ZSCAN25: variants seen among roughly 807,000 people sequenced by gnomAD.
ZSCAN25 encodes zinc finger and SCAN domain containing 25.
ZSCAN25 carries 27 observed loss-of-function variants against 38.7 expected under a neutral mutation model. The ratio of observed to expected loss-of-function variants is 0.70; its 90% CI spans 0.51 to 0.96. The LOEUF is 0.96. Ranked by LOEUF, ZSCAN25 falls within the 40% of genes least tolerant of loss-of-function variation. The pLI, the probability that ZSCAN25 is intolerant of heterozygous loss-of-function variation, is 0.00. For missense variants in ZSCAN25, 637 were observed against 705.9 expected, an observed-to-expected ratio of 0.90 and a Z score of 1.11; for synonymous variants, 273 against 277.7, an observed-to-expected ratio of 0.98 and a Z score of 0.17.
At chr7:99,673,935 A>G in the ZSCAN25 span, among the ~76,000 whole-genome samples, 1 of 152,240 alleles carries the variant, frequency 6.6e-6, no homozygotes, top group Admixed American at 6.5e-5. Flanking sequence ...ATACCTGGTG[A>G]CACATGGGAT....
chr7:99,638,318 A>G, the ZSCAN25 span: 3 of 1,606,254 alleles, frequency 1.9e-6, no homozygotes, highest in African/African-American at 1.3e-5. Context: ...AGGGCTGCCC[A>G]TACCAGTTCC....
At chr7:99,670,240 T>C in the ZSCAN25 span, among the ~76,000 whole-genome samples, 3 of 152,330 alleles carry the variant, frequency 2.0e-5, no homozygotes, top group South Asian at 6.2e-4. Context: ...CTTACAGATT[T>C]AGCATTTTTA....
chr7:99,644,727 C>T, the ZSCAN25 span, among the ~76,000 whole-genome samples: 1 of 152,124 alleles, frequency 6.6e-6, no homozygotes, highest in Admixed American at 6.5e-5. Flanking sequence ...TTATGATAGC[C>T]GATTTCCTGC....
chr7:99,618,793 G>A (rs1806682899), intron 2 of ZSCAN25, 142 bp downstream of exon 2: 1 of 152,186 alleles, frequency 6.6e-6, no homozygotes, highest in African/African-American at 2.4e-5. Context: ...GCAGGCTCTG[G>A]GTGATCTGGT....
chr7:99,728,400 G>A, the ZSCAN25 span, among the ~76,000 whole-genome samples: 1 of 152,218 alleles, frequency 6.6e-6, no homozygotes, highest in South Asian at 2.1e-4. Flanking sequence ...ATGAAAGTTT[G>A]GTTGTAGACA....
chr7:99,718,080 C>T, the ZSCAN25 span, among the ~76,000 whole-genome samples: 1 of 151,784 alleles, frequency 6.6e-6, no homozygotes, highest in South Asian at 2.1e-4. Flanking sequence ...AATGAGAACA[C>T]ATGGACACAG....
chr7:99,703,528 A>G, the ZSCAN25 span, among the ~76,000 whole-genome samples: 3 of 152,170 alleles, frequency 2.0e-5, no homozygotes, highest in East Asian at 3.8e-4. Flanking sequence ...TATCTATCGT[A>G]TATCTGTTAT....
the ZSCAN25 span, among the ~76,000 whole-genome samples, chr7:99,644,251 GAACA>G: frequency 6.6e-6 from 1 of 152,130 alleles, no homozygotes; most frequent in Non-Finnish European, 1.5e-5. Flanking sequence ...TACAACTTAA[GAACA>G]AACAGTCCTG....
At chr7:99,683,350 A>C in the ZSCAN25 span, among the ~76,000 whole-genome samples, 11 of 152,202 alleles carry the variant, frequency 7.2e-5, no homozygotes, top group Non-Finnish European at 1.5e-4. Flanking sequence ...GTACACACAC[A>C]CAAACACATA....
At chr7:99,682,214 C>CTGT in the ZSCAN25 span, among the ~76,000 whole-genome samples, 1 of 152,166 alleles carries the variant, frequency 6.6e-6, no homozygotes, top group East Asian at 1.9e-4. Context: ...AAGTGATACA[C>CTGT]CCGCCTCGGC....
chr7:99,723,114 C>T, the ZSCAN25 span, among the ~76,000 whole-genome samples: 1 of 152,070 alleles, frequency 6.6e-6, no homozygotes, highest in African/African-American at 2.4e-5. Context: ...CTTGGGGGTA[C>T]ATCTACTAAA....
chr7:99,642,995 C>A, the ZSCAN25 span, among the ~76,000 whole-genome samples: 1 of 152,106 alleles, frequency 6.6e-6, no homozygotes, highest in South Asian at 2.1e-4. Flanking sequence ...TATTATTATT[C>A]TCATTATTCT....
At chr7:99,628,070 A>G (rs1245822829) in intron 7 of ZSCAN25, among the ~76,000 whole-genome samples, 1 of 152,050 alleles carries the variant, frequency 6.6e-6, no homozygotes, top group Non-Finnish European at 1.5e-5. Context: ...TGGGCAACAT[A>G]GTGAGGCCCC....
chr7:99,649,063 G>C, the ZSCAN25 span, among the ~76,000 whole-genome samples: 1 of 152,218 alleles, frequency 6.6e-6, no homozygotes, highest in Non-Finnish European at 1.5e-5. Context: ...CACCAACAGA[G>C]TAACATTCTG....
At chr7:99,680,955 G>A in the ZSCAN25 span, among the ~76,000 whole-genome samples, 1 of 152,160 alleles carries the variant, frequency 6.6e-6, no homozygotes, top group African/African-American at 2.4e-5. Context: ...TATTTTAAAA[G>A]CTGTGCTCCC....
chr7:99,722,633 T>C, the ZSCAN25 span, among the ~76,000 whole-genome samples: 4 of 152,242 alleles, frequency 2.6e-5, no homozygotes, highest in African/African-American at 7.2e-5. Flanking sequence ...TCTCTTTGCT[T>C]TTTCATGTGT....
chr7:99,685,330 G>T, the ZSCAN25 span: 1 of 1,501,574 alleles, frequency 6.7e-7, no homozygotes, highest in Non-Finnish European at 9.2e-7. Context: ...TGCTGACTAT[G>T]CACATAGTTT....
At position 99,616,973 on chromosome 7, in the gene ZSCAN25, A is replaced by G. The variant is rs1436958919; in HGVS notation, c.-302A>G. ...AGCTCACTTCCGGACCGCGGATAGC[A>G]CTGGCGACCCTAGCGGGTGAGAGGC... On this transcript the variant is annotated 5_prime_UTR_variant, in exon 1 of 8. Coordinates refer to ENST00000394152, the MANE Select transcript of ZSCAN25 (RefSeq NM_145115.3). 5 of 152,216 alleles carry G rather than the reference A, an allele frequency of 3.3e-5. No homozygotes were observed. The highest frequency in any genetic ancestry group is 1.2e-4 in the African/African-American group (5 of 41,448). The allele number at this position is 152,216 out of a possible 1,614,324, so 9.4% of individuals were successfully genotyped here.
chr7:99,660,850 C>T, the ZSCAN25 span, among the ~76,000 whole-genome samples: 1 of 152,104 alleles, frequency 6.6e-6, no homozygotes, highest in Non-Finnish European at 1.5e-5. Context: ...TCATTTTAAT[C>T]CAGGTTTTCC....
Sources: allele counts gnomAD v4.1 joint callset (sites outside exome capture counted in the v4.1 genomes callset), GRCh38; gene constraint gnomAD v4.1.1; transcripts MANE v1.5; gene names NCBI Gene and HGNC (gene_info 2026-07-23, HGNC 2026-07-21).